The following MDGA2 variants were observed in gnomAD, a reference collection of about 807,000 sequenced individuals.
MDGA2 encodes MAM domain-containing glycosylphosphatidylinositol anchor protein 2.
Under a neutral mutation model 117.8 loss-of-function variants are expected in MDGA2, and 40 were observed. The observed-to-expected ratio is 0.34, with a 90% CI of 0.26 to 0.44. MDGA2 has a LOEUF of 0.44. MDGA2 is among the 20% of genes least tolerant of loss of function. The pLI is 1.00. For missense variants in MDGA2, 1,123 were observed against 1,250.6 expected (o/e 0.90, Z 1.54); for synonymous variants, 452 against 439.0 (o/e 1.03, Z -0.37).
At chr14:47,623,061 G>A (rs1265068050) in intron 1 of MDGA2, among the ~76,000 whole-genome samples, 2 of 152,182 alleles carry the variant, frequency 1.3e-5, no homozygotes, top group African/African-American at 2.4e-5. Flanking sequence ...GAGGCAATTA[G>A]ATCAAGAGGG....
At chr14:46,868,023 G>C (rs984600962) in intron 14 of MDGA2, among the ~76,000 whole-genome samples, 10 of 151,384 alleles carry the variant, frequency 6.6e-5, no homozygotes, top group African/African-American at 2.4e-4. Flanking sequence ...TGTTATTCTA[G>C]TATATCCAGA....
chr14:46,878,588 C>A (rs574563972), intron 11 of MDGA2, among the ~76,000 whole-genome samples: 1 of 152,042 alleles, frequency 6.6e-6, no homozygotes, highest in African/African-American at 2.4e-5. Context: ...TTCCACTATT[C>A]CTACATACAG....
At chr14:47,380,979 A>T (rs1253038388) in intron 1 of MDGA2, among the ~76,000 whole-genome samples, 2 of 152,134 alleles carry the variant, frequency 1.3e-5, no homozygotes, top group Non-Finnish European at 2.9e-5. Flanking sequence ...CTGGCAAACC[A>T]AATCCAGCAG....
chr14:47,251,437 A>C (rs191972691), intron 2 of MDGA2, among the ~76,000 whole-genome samples: 14 of 152,274 alleles, frequency 9.2e-5, no homozygotes, highest in Non-Finnish European at 1.8e-4. Context: ...GAACAGTCCT[A>C]TTACAGTGTA....
rs1277584552 is a variant in MDGA2 at position 47,404,156 on chromosome 14, G to A, written c.281-102606C>T. Among the ~76,000 whole-genome samples, 5 of 151,664 alleles carry A rather than the reference G, an allele frequency of 3.3e-5. No individual in the cohort carries two copies. In the South Asian group the frequency reaches 8.3e-4, roughly 25 times the overall value. On this transcript the variant is annotated intron_variant, in intron 1 of 16. Coordinates refer to ENST00000399232, the MANE Select transcript of MDGA2 (RefSeq NM_001113498.3). ...AGTCATCAGCCATGAACATAGCAAT[G>A]GGTGAGAAAAGAAATTTATTCTATA...
chr14:47,587,421 C>T (rs970237767), intron 1 of MDGA2, among the ~76,000 whole-genome samples: 3 of 151,582 alleles, frequency 2.0e-5, no homozygotes, highest in Non-Finnish European at 2.9e-5. Context: ...CTAGCTATTC[C>T]TGTTGGCTTC....
At chr14:47,420,606 G>C (rs1039906320) in intron 1 of MDGA2, among the ~76,000 whole-genome samples, 3 of 152,040 alleles carry the variant, frequency 2.0e-5, no homozygotes, top group Non-Finnish European at 4.4e-5. Flanking sequence ...GGACACATGT[G>C]GCCAGATGGG....
chr14:46,900,087 A>AT (rs1354488763), intron 10 of MDGA2, among the ~76,000 whole-genome samples: 1 of 152,174 alleles, frequency 6.6e-6, no homozygotes, highest in Admixed American at 6.5e-5. Flanking sequence ...TCTCTGAAGA[A>AT]GATATACAGA....
At chr14:47,124,325 T>G (rs1178562410) in intron 5 of MDGA2, among the ~76,000 whole-genome samples, 2 of 152,098 alleles carry the variant, frequency 1.3e-5, no homozygotes, top group Non-Finnish European at 2.9e-5. Context: ...AGGAGTGATA[T>G]CTGTCTCTCC....
intron 6 of MDGA2, among the ~76,000 whole-genome samples, 157 bp downstream of exon 6, chr14:47,096,697 C>T (rs1879989093): frequency 6.6e-6 from 1 of 151,862 alleles, no homozygotes; most frequent in South Asian, 2.1e-4. Context: ...GTTTAAGTTC[C>T]ACTTATAATT....
chr14:47,312,760 C>A (rs936239155), intron 1 of MDGA2, among the ~76,000 whole-genome samples: 15 of 136,760 alleles, frequency 1.1e-4, no homozygotes, highest in African/African-American at 4.2e-4. Context: ...GAACTCCTAG[C>A]CTCATATGAT....
intron 2 of MDGA2, among the ~76,000 whole-genome samples, chr14:47,281,456 T>A (rs1361009563): frequency 1.3e-5 from 2 of 152,218 alleles, no homozygotes; most frequent in Non-Finnish European, 2.9e-5. Flanking sequence ...TTTCCATTTT[T>A]AAAATGTATT....
At chr14:47,267,690 T>A (rs904576820) in intron 2 of MDGA2, among the ~76,000 whole-genome samples, 5 of 152,158 alleles carry the variant, frequency 3.3e-5, no homozygotes, top group African/African-American at 1.2e-4. Context: ...GAAAACACAA[T>A]CTTCCTCAAT....
intron 3 of MDGA2, among the ~76,000 whole-genome samples, chr14:47,149,817 C>T (rs935980907): frequency 1.3e-5 from 2 of 152,152 alleles, no homozygotes; most frequent in Non-Finnish European, 2.9e-5. Flanking sequence ...TGTCACTATC[C>T]TCACTTGATC....
chr14:47,156,201 C>T (rs1443433630), intron 3 of MDGA2, among the ~76,000 whole-genome samples: 1 of 152,054 alleles, frequency 6.6e-6, no homozygotes, highest in African/African-American at 2.4e-5. Flanking sequence ...AGCCATCACA[C>T]CTGGCCAAGA....
rs1882484004 is a variant in MDGA2, at chr14:46,882,127, T to G, written c.2333A>C (p.Lys778Thr). 6.2e-7 allele frequency: 1 copy of G among 1,612,524 alleles called. No homozygotes were observed. The highest frequency in any genetic ancestry group is 1.7e-5 in the Admixed American group (1 of 59,920). The change falls in exon 11 of 17, where the codon AAA (lysine) becomes ACA (threonine). Residue 778 changes from lysine to threonine, a missense_variant. Around this residue, in one of 2 missense-constraint regions of MDGA2, gnomAD observed 890 missense variants for 1,050.3 expected, o/e 0.85. Coordinates refer to ENST00000399232, the MANE Select transcript of MDGA2 (RefSeq NM_001113498.3). ...LITYNLTELI[K>T]PEAYEVRLTP... ...CAGTCGGACTTCATAAGCTTCTGGT[T>G]TAATTAGCTCTGTCAAGTTATATGT...
chr14:47,060,828 C>A (rs1235845605), intron 7 of MDGA2, among the ~76,000 whole-genome samples: 1 of 151,900 alleles, frequency 6.6e-6, no homozygotes, highest in Non-Finnish European at 1.5e-5. Flanking sequence ...TGCATTTGAA[C>A]ACTCTTAAAT....
chr14:47,021,231 G>A (rs955168977), intron 8 of MDGA2, among the ~76,000 whole-genome samples: 1 of 152,102 alleles, frequency 6.6e-6, no homozygotes, highest in Admixed American at 6.6e-5. Flanking sequence ...CTAAGGAATT[G>A]TAAAATAACA....
chr14:47,492,631 A>G (rs551410974), intron 1 of MDGA2, among the ~76,000 whole-genome samples: 38 of 152,276 alleles, frequency 2.5e-4, no homozygotes, highest in Admixed American at 9.2e-4. Context: ...ACCATAGACA[A>G]GTTAAAATAT....
Sources: gnomAD v4.1 joint callset for allele counts (sites outside exome capture counted in the v4.1 genomes callset) on GRCh38, gnomAD v4.1.1 for gene constraint, gnomAD v4.1.1 regional missense constraint, MANE v1.5 for transcripts, NCBI Gene and HGNC (gene_info 2026-07-23, HGNC 2026-07-21) for gene names.